MROH7: variants seen among roughly 807,000 people sequenced by gnomAD.
The protein encoded by MROH7 is maestro heat like repeat family member 7.
MROH7 carries 113 observed loss-of-function variants against 129.2 expected under a neutral mutation model. The ratio of observed to expected loss-of-function variants is 0.87; its 90% confidence interval spans 0.75 to 1.02. The LOEUF (loss-of-function observed/expected upper bound fraction) is 1.02. Among genes scored for constraint, MROH7 ranks in the 50% least tolerant of loss-of-function variants. The probability of loss-of-function intolerance (pLI) is 0.00; values close to 1 mark genes in which losing one functional copy is unlikely to be tolerated. For synonymous variants in MROH7, 655 were observed against 667.9 expected, an observed-to-expected ratio of 0.98 and a Z score of 0.30; for missense variants, 1,601 against 1,671.3, an observed-to-expected ratio of 0.96 and a Z score of 0.73.
intron 12 of MROH7, among the ~76,000 whole-genome samples, 153 bp downstream of exon 12, chr1:54,679,592 G>T (rs1306986994): frequency 6.6e-6 from 1 of 152,198 alleles, no homozygotes; most frequent in African/African-American, 2.4e-5. Context: ...TGGTGGCTGA[G>T]TTCTAGGTGC....
chr1:54,663,112 A>G (rs1644755442), intron 3 of MROH7, among the ~76,000 whole-genome samples: 1 of 152,026 alleles, frequency 6.6e-6, no homozygotes, highest in Non-Finnish European at 1.5e-5. Context: ...GTCAATATTT[A>G]CCCCTTTGTA....
intron 17 of MROH7, 156 bp from the exon 18 acceptor site, chr1:54,700,165 A>G: frequency 1.1e-6 from 1 of 938,110 alleles, no homozygotes; most frequent in Non-Finnish European, 1.7e-6. Flanking sequence ...GCTGATGGAC[A>G]TCAGACGGAG....
At chr1:54,679,794 T>C in intron 12 of MROH7, 97 bp from the exon 13 acceptor site, 15 of 1,236,922 alleles carry the variant, frequency 1.2e-5, no homozygotes, top group Non-Finnish European at 1.7e-5. Flanking sequence ...CCCTGTCCTC[T>C]AGCCTGTCAC....
intron 17 of MROH7, chr1:54,695,735 C>A (rs943276548): frequency 1.5e-5 from 8 of 547,554 alleles, no homozygotes; most frequent in African/African-American, 3.8e-5. Context: ...CTTTGCTGGG[C>A]ACCTCTGTGT....
intron 21 of MROH7, among the ~76,000 whole-genome samples, chr1:54,705,786 C>T (rs1645523027): frequency 6.6e-6 from 1 of 152,086 alleles, no homozygotes; most frequent in South Asian, 2.1e-4. Flanking sequence ...GCATGCCAGG[C>T]CTAGGAGCTT....
chr1:54,679,527 T>C lies in MROH7; in HGVS notation c.2226+88T>C, dbSNP rs569560182. On this transcript the variant is annotated intron_variant, in intron 12 of 23. Coordinates refer to ENST00000421030, the MANE Select transcript of MROH7 (RefSeq NM_001039464.4). ...TGCTCATCACTGGCCGGCCAGACAGTGGGCAGGGTGGGGTATACCTGAACC... is the reference window on the plus strand; with the variant it reads ...TGCTCATCACTGGCCGGCCAGACAGCGGGCAGGGTGGGGTATACCTGAACC... The C allele has an allele frequency of 1.5e-3, 2,063 of 1,414,302 alleles. 2 individuals are homozygous for C. The highest frequency in any genetic ancestry group is 1.8e-3 in the Non-Finnish European group (1,887 of 1,032,298). 87.6% of individuals were successfully genotyped at this position (1,414,302 alleles called of 1,614,324 possible).
intron 3 of MROH7, among the ~76,000 whole-genome samples, chr1:54,656,509 C>CAA (rs33918860): frequency 1.6e-4 from 13 of 80,556 alleles, no homozygotes; most frequent in African/African-American, 5.3e-4. Flanking sequence ...GACTCCATCT[C>CAA]AAAAAAAAAA....
intron 16 of MROH7, among the ~76,000 whole-genome samples, chr1:54,694,583 C>T (rs1206461192): frequency 6.6e-6 from 1 of 152,226 alleles, no homozygotes; most frequent in African/African-American, 2.4e-5. Flanking sequence ...TCTCCTGCCT[C>T]AACCTCCCAA....
chr1:54,708,268 C>G (rs1645566051), intron 22 of MROH7, among the ~76,000 whole-genome samples: 1 of 152,046 alleles, frequency 6.6e-6, no homozygotes, highest in African/African-American at 2.4e-5. Flanking sequence ...AAAACAGATA[C>G]TTAAAAAAGT....
chr1:54,668,443 G>A (rs1302961008), intron 4 of MROH7, among the ~76,000 whole-genome samples: 7 of 152,286 alleles, frequency 4.6e-5, no homozygotes, highest in South Asian at 2.1e-4. Context: ...GGAGAGATTA[G>A]TTGGATATTG....
At position 54,709,015 on chromosome 1, in the gene MROH7, G is replaced by A; in HGVS notation, c.3669G>A (p.Gly1223=). 6.2e-7 allele frequency: 1 copy of A among 1,614,210 alleles called. No homozygotes were observed. Among genetic ancestry groups the A allele is most frequent in the Non-Finnish European group, 8.5e-7 (1 of 1,180,016 alleles). ...SLRKCSVMFI[G]SLVPCMESIM... Reference sequence around the variant, plus strand: ...CTCACTTCTTGGATTACGCTCAAGGGTCCCTGGTCCCCTGCATGGAGAGCA... The same window carrying A: ...CTCACTTCTTGGATTACGCTCAAGGATCCCTGGTCCCCTGCATGGAGAGCA... Residue 1223 remains glycine (G), a splice_region_variant and synonymous_variant, in exon 23 of 24, where the codon GGG becomes GGA. Transcript: ENST00000421030.
At chr1:54,669,239 C>A (rs754881050) in intron 5 of MROH7, among the ~76,000 whole-genome samples, 1 of 152,166 alleles carries the variant, frequency 6.6e-6, no homozygotes, top group African/African-American at 2.4e-5. Flanking sequence ...GGCTTGTACA[C>A]CCAGAAGCAT....
At chr1:54,677,190 G>A (rs1353732063) in intron 10 of MROH7, among the ~76,000 whole-genome samples, 2 of 152,060 alleles carry the variant, frequency 1.3e-5, no homozygotes, top group East Asian at 2.0e-4. Context: ...GCTGAGGTCC[G>A]GAGTTCAAGA....
intron 3 of MROH7, chr1:54,663,672 C>A (rs569918822): frequency 7.0e-5 from 27 of 386,944 alleles, no homozygotes; most frequent in South Asian, 4.8e-4. Context: ...CCGTGCCCGG[C>A]CCCCATCAGC....
chr1:54,679,241 G>T (rs371264251), intron 11 of MROH7, 22 bp from the exon 12 acceptor site: 14 of 1,613,834 alleles, frequency 8.7e-6, no homozygotes, highest in African/African-American at 2.7e-5. Context: ...AGTGTGTCAT[G>T]ATCTCAGCAC....
At chr1:54,663,617 A>G (rs567643223) in intron 3 of MROH7, 53 of 332,328 alleles carry the variant, frequency 1.6e-4, no homozygotes, top group Admixed American at 6.0e-4. Context: ...CAGATGATCC[A>G]CCCTCTTTGG....
In MROH7 at chr1:54,686,268, G is replaced by T. The variant is rs746410473; in HGVS notation, c.2531G>T (p.Gly844Val). Residue 844 changes from glycine to valine, a missense_variant, in exon 15 of 24, where the codon GGC becomes GTC. Gly to Val is a moderately radical substitution (Grantham distance 109). Coordinates refer to ENST00000421030, the MANE Select transcript of MROH7 (RefSeq NM_001039464.4). Reference protein sequence around the residue: ...ASIVPLAAASGLCELLSVNSC... With the variant: ...ASIVPLAAASVLCELLSVNSC... ...CCCTCTGCCCCATAGGCAGCCAGCG[G>T]CCTGTGCGAGCTCCTGTCCGTCAAC... 6.2e-7 allele frequency: 1 copy of T among 1,613,120 alleles called. No individual in the cohort carries two copies. The highest frequency in any genetic ancestry group is 1.1e-5 in the South Asian group (1 of 90,926).
rs760640746 is a variant in MROH7, at chr1:54,700,471, A to G, written c.3105+10A>G. On this transcript the variant is annotated intron_variant, in intron 18 of 23. Transcript: ENST00000421030. Reference sequence around the variant, plus strand: ...CCGCAGGTCTGAGAAGGTGAGTGGGAGGCAGAGGAAAGCCTGGCCCAGCCA... The same window carrying G: ...CCGCAGGTCTGAGAAGGTGAGTGGGGGGCAGAGGAAAGCCTGGCCCAGCCA... 6.0e-5 allele frequency: 94 copies of G among 1,569,248 alleles called. No individual in the cohort carries two copies. The highest frequency in any genetic ancestry group is 7.5e-5 in the Non-Finnish European group (87 of 1,156,288).
At chr1:54,652,503 T>C (rs867657831) in intron 2 of MROH7, among the ~76,000 whole-genome samples, 5 of 152,244 alleles carry the variant, frequency 3.3e-5, no homozygotes, top group Admixed American at 1.3e-4. Context: ...AGCTCATCTC[T>C]AGCAAGAGCT....
Sources: allele counts gnomAD v4.1 joint callset (sites outside exome capture counted in the v4.1 genomes callset), GRCh38; gene constraint gnomAD v4.1.1; transcripts MANE v1.5; gene names NCBI Gene and HGNC (gene_info 2026-07-23, HGNC 2026-07-21).